The following CAMTA1 variants were observed in gnomAD, a reference collection of about 807,000 sequenced individuals.
The protein encoded by CAMTA1 is calmodulin binding transcription activator 1, also known as calmodulin-binding transcription activator 1.
Under a neutral mutation model 170.9 loss-of-function variants are expected in CAMTA1, and 27 were observed. The ratio of observed to expected loss-of-function variants is 0.16; its 90% CI spans 0.12 to 0.22. The LOEUF (loss-of-function observed/expected upper bound fraction) is 0.22. Ranked by LOEUF, CAMTA1 falls within the 10% of genes least tolerant of loss-of-function variation. The pLI is 1.00. For missense variants in CAMTA1, 1,619 were observed against 2,217.2 expected, an observed-to-expected ratio of 0.73 and a Z score of 5.42; for synonymous variants, 833 against 891.5, an observed-to-expected ratio of 0.93 and a Z score of 1.17.
At chr1:7,525,843 G>A (rs753354096) in intron 6 of CAMTA1, among the ~76,000 whole-genome samples, 3 of 152,014 alleles carry the variant, frequency 2.0e-5, no homozygotes. Context: ...AGGGCCAGGC[G>A]GGCAGCTGCT....
intron 5 of CAMTA1, among the ~76,000 whole-genome samples, chr1:7,383,923 G>A (rs2087641852): frequency 6.6e-6 from 1 of 152,142 alleles, no homozygotes; most frequent in Non-Finnish European, 1.5e-5. Flanking sequence ...CAGAGAATCT[G>A]CCCCCATTTT....
At chr1:6,834,959 A>G (rs1196176548) in intron 3 of CAMTA1, among the ~76,000 whole-genome samples, 1 of 152,092 alleles carries the variant, frequency 6.6e-6, no homozygotes, top group Non-Finnish European at 1.5e-5. Flanking sequence ...GTAGTTTTTA[A>G]TACATCTACA....
intron 7 of CAMTA1, among the ~76,000 whole-genome samples, chr1:7,655,473 C>G (rs553596383): frequency 5.5e-5 from 5 of 90,178 alleles, no homozygotes; most frequent in African/African-American, 5.3e-5. Flanking sequence ...ACACACCCAC[C>G]TATACAAACA....
At chr1:7,110,049 G>A (rs944828292) in intron 4 of CAMTA1, among the ~76,000 whole-genome samples, 18 of 152,152 alleles carry the variant, frequency 1.2e-4, no homozygotes, top group African/African-American at 4.3e-4. Context: ...GTGGCCTGAG[G>A]TGTTTCTGCA....
chr1:7,209,073 G>A (rs1436514108), intron 4 of CAMTA1, among the ~76,000 whole-genome samples: 1 of 150,728 alleles, frequency 6.6e-6, no homozygotes, highest in Admixed American at 6.6e-5. Context: ...TGTGATTGTT[G>A]TTTGAATACT....
intron 3 of CAMTA1, among the ~76,000 whole-genome samples, chr1:6,937,704 TACC>T (rs1228958727): frequency 1.4e-5 from 2 of 142,880 alleles, no homozygotes; most frequent in African/African-American, 2.7e-5. Flanking sequence ...ATTCACCACT[TACC>T]ACCACCATCA....
intron 6 of CAMTA1, among the ~76,000 whole-genome samples, chr1:7,569,366 C>T (rs1439985103): frequency 6.6e-6 from 1 of 151,374 alleles, no homozygotes; most frequent in Non-Finnish European, 1.5e-5. Context: ...CCATCACCAC[C>T]ACCAACCATC....
intron 5 of CAMTA1, among the ~76,000 whole-genome samples, chr1:7,337,375 G>A (rs917175476): frequency 2.6e-5 from 4 of 152,202 alleles, no homozygotes; most frequent in Non-Finnish European, 4.4e-5. Context: ...CCCAGATGTC[G>A]GTCAAACACC....
intron 6 of CAMTA1, among the ~76,000 whole-genome samples, chr1:7,522,126 G>A (rs1048128577): frequency 1.3e-5 from 2 of 152,146 alleles, no homozygotes; most frequent in Admixed American, 6.5e-5. Context: ...GGGGTATGAC[G>A]GATCCGGTTT....
chr1:6,850,932 C>G (rs953400836), intron 3 of CAMTA1, among the ~76,000 whole-genome samples: 1 of 152,194 alleles, frequency 6.6e-6, no homozygotes, highest in Non-Finnish European at 1.5e-5. Context: ...CAGACCCTCT[C>G]AGTTCCTGGC....
At chr1:7,323,146 A>G (rs1420009397) in intron 5 of CAMTA1, among the ~76,000 whole-genome samples, 2 of 152,086 alleles carry the variant, frequency 1.3e-5, no homozygotes, top group African/African-American at 2.4e-5. Context: ...CTTAAAGTAT[A>G]TAACTTTTTT....
chr1:7,723,360 T>C (rs552187657), intron 11 of CAMTA1, among the ~76,000 whole-genome samples: 2 of 152,174 alleles, frequency 1.3e-5, no homozygotes, highest in South Asian at 2.1e-4. Flanking sequence ...ACAAAATAAA[T>C]AACAGTATCA....
rs1487138490 is a variant in CAMTA1 at position 7,592,991 on chromosome 1, A to G, written c.511-47409A>G. On this transcript the variant is annotated intron_variant, in intron 6 of 22. Coordinates refer to ENST00000303635, the MANE Select transcript of CAMTA1 (RefSeq NM_015215.4). This position sits in a 1 kb window ranked among gnomAD's most constrained non-coding sequence, Gnocchi z 4.6. ...TTATTAAGGAATGTGTCCAAGTCCC[A>G]CAGCATCTAGATGGTGGGATTGGGC... is the stretch of plus-strand genomic sequence containing the variant. Among the ~76,000 whole-genome samples the G allele has an allele frequency of 6.6e-6, 1 of 152,162 alleles. No homozygotes were observed. The highest frequency in any genetic ancestry group is 1.9e-4 in the East Asian group (1 of 5,194).
chr1:7,748,548 A>C lies in CAMTA1; in HGVS notation c.4689+767A>C, dbSNP rs1026471268. ...TTGCAGTGAGGATCCGTGGTCCAATACTTTGATAAACTCCCTAGTAATTAG... is the reference window on the plus strand; with the variant it reads ...TTGCAGTGAGGATCCGTGGTCCAATCCTTTGATAAACTCCCTAGTAATTAG... On this transcript the variant is annotated intron_variant, in intron 19 of 22. Coordinates refer to ENST00000303635, the MANE Select transcript of CAMTA1 (RefSeq NM_015215.4). The surrounding 1 kb of genome is among the most constrained non-coding windows in gnomAD (Gnocchi z 4.7). Among the ~76,000 whole-genome samples the C allele has an allele frequency of 6.6e-6, 1 of 152,196 alleles. No individual in the cohort carries two copies. Among genetic ancestry groups the C allele is most frequent in the African/African-American group, 2.4e-5 (1 of 41,450 alleles).
intron 1 of CAMTA1, among the ~76,000 whole-genome samples, chr1:6,789,847 A>G (rs1217286493): frequency 2.7e-5 from 3 of 110,922 alleles, no homozygotes; most frequent in East Asian, 2.6e-4. Flanking sequence ...GTCTCACTCT[A>G]TTGCCCAGGC....
intron 5 of CAMTA1, among the ~76,000 whole-genome samples, chr1:7,253,109 C>T (rs992009055): frequency 2.0e-5 from 3 of 152,116 alleles, no homozygotes; most frequent in Admixed American, 2.0e-4. Context: ...AGGGTGGTTG[C>T]GATGTCACTG....
intron 5 of CAMTA1, among the ~76,000 whole-genome samples, chr1:7,398,856 G>T (rs573584575): frequency 6.6e-6 from 1 of 152,040 alleles, no homozygotes; most frequent in African/African-American, 2.4e-5. Context: ...AACAATCTTA[G>T]AGTTATAGTA....
chr1:6,939,262 T>C (rs1685998319), intron 3 of CAMTA1, among the ~76,000 whole-genome samples: 1 of 152,248 alleles, frequency 6.6e-6, no homozygotes, highest in South Asian at 2.1e-4. Context: ...TATTTCCAAG[T>C]GAGGCTGATG....
chr1:7,422,430 G>A (rs1168913716), intron 5 of CAMTA1, among the ~76,000 whole-genome samples: 1 of 152,068 alleles, frequency 6.6e-6, no homozygotes, highest in Admixed American at 6.5e-5. Context: ...AGAGGACATA[G>A]CAGGAAAAAG....
Sources: allele counts gnomAD v4.1 joint callset (sites outside exome capture counted in the v4.1 genomes callset), GRCh38; gene constraint gnomAD v4.1.1; non-coding constraint Gnocchi (gnomAD v3.1); transcripts MANE v1.5; gene names NCBI Gene and HGNC (gene_info 2026-07-23, HGNC 2026-07-21).